Variants in ABL1 observed in about 807,000 individuals in gnomAD.
ABL1 encodes the protein ABL proto-oncogene 1, non-receptor tyrosine kinase, also known as tyrosine-protein kinase ABL1.
In ABL1, 11 loss-of-function variants were observed where a neutral mutation model predicts 94.7. The ratio of observed to expected loss-of-function variants is 0.12; its 90% CI spans 0.07 to 0.19. ABL1 has a LOEUF of 0.19. Among genes scored for constraint, ABL1 ranks in the 10% least tolerant of loss-of-function variants. The pLI, the probability that ABL1 is intolerant of heterozygous loss-of-function variation, is 1.00. For missense variants in ABL1, 1,082 were observed against 1,489.4 expected (o/e 0.73, Z 4.50); for synonymous variants, 656 against 622.4 (o/e 1.05, Z -0.80).
intron 1 of ABL1, among the ~76,000 whole-genome samples, chr9:130,807,695 G>GTT (rs1201794127): frequency 1.2e-3 from 85 of 73,672 alleles, no homozygotes; most frequent in African/African-American, 1.6e-3. Context: ...TATATATATA[G>GTT]TTTTTTTTTT....
intron 1 of ABL1, among the ~76,000 whole-genome samples, chr9:130,723,840 C>T (rs536042945): frequency 6.6e-6 from 1 of 151,294 alleles, no homozygotes; most frequent in Non-Finnish European, 1.5e-5. Flanking sequence ...GAGATGGAGT[C>T]TCGCTCTGTC....
rs944040692 is a variant in ABL1, at chr9:130,872,269, A to G, written c.907+56A>G. ...TCTCGCGCCGCACCCCCAGGGTGAC[A>G]CAGGCGCTGGGGAAGACGCACGGGC... On this transcript the variant is annotated intron_variant, in intron 5 of 10. Transcript: ENST00000318560. The surrounding 1 kb of genome is among the most constrained non-coding windows in gnomAD (Gnocchi z 5.0). 2.6e-6 allele frequency: 4 copies of G among 1,525,938 alleles called. No homozygotes were observed. The East Asian group carries it at 9.1e-5, about 35-fold the overall frequency. The allele number at this position is 1,525,938 out of a possible 1,614,324, so 94.5% of individuals were successfully genotyped here.
intron 1 of ABL1, among the ~76,000 whole-genome samples, chr9:130,823,807 G>T (rs1256515715): frequency 1.3e-5 from 2 of 152,156 alleles, no homozygotes; most frequent in African/African-American, 4.8e-5. Flanking sequence ...GCAACTGAGG[G>T]GTTAAGGCCT....
At chr9:130,730,811 A>G (rs1229990348) in intron 1 of ABL1, among the ~76,000 whole-genome samples, 1 of 151,718 alleles carries the variant, frequency 6.6e-6, no homozygotes, top group African/African-American at 2.4e-5. Flanking sequence ...AGGTCAAACC[A>G]TCCACCCACC....
At chr9:130,879,621 A>G (rs777527572) in intron 8 of ABL1, among the ~76,000 whole-genome samples, 1 of 152,236 alleles carries the variant, frequency 6.6e-6, no homozygotes, top group Non-Finnish European at 1.5e-5. Context: ...AGTCAGACGC[A>G]TATGGGAGTG....
At chr9:130,765,288 A>T (rs1204711344) in intron 1 of ABL1, among the ~76,000 whole-genome samples, 2 of 152,122 alleles carry the variant, frequency 1.3e-5, no homozygotes, top group Non-Finnish European at 2.9e-5. Flanking sequence ...TGGTTTGGTT[A>T]TGACAGTGCT....
chr9:130,736,163 C>T (rs1201417991), intron 1 of ABL1, among the ~76,000 whole-genome samples: 1 of 151,446 alleles, frequency 6.6e-6, no homozygotes, highest in Admixed American at 6.6e-5. Context: ...GCCATGTTGC[C>T]CAGGCTGGTC....
intron 1 of ABL1, among the ~76,000 whole-genome samples, chr9:130,745,526 T>C (rs1378529400): frequency 6.6e-6 from 1 of 151,662 alleles, no homozygotes; most frequent in Non-Finnish European, 1.5e-5. Flanking sequence ...CCTCCTGGTC[T>C]CTCTCTCCCT....
In ABL1 at chr9:130,769,639, C is replaced by A. The variant is rs561438275; in HGVS notation, c.136+55184C>A. ...CAGGTGTGAGCCACCGTCCCCGGCCCCTAGTCTTTTATTGTATTGTATTGT... is the reference window on the plus strand; with the variant it reads ...CAGGTGTGAGCCACCGTCCCCGGCCACTAGTCTTTTATTGTATTGTATTGT... On this transcript the variant is annotated intron_variant, in intron 1 of 10. Coordinates refer to the ABL1 transcript ENST00000372348. Among the ~76,000 whole-genome samples the A allele has an allele frequency of 2.0e-5, 3 of 152,048 alleles. No individual in the cohort carries two copies. The South Asian group carries it at 6.2e-4, about 32-fold the overall frequency.
chr9:130,778,776 G>A (rs1025949449), intron 1 of ABL1, among the ~76,000 whole-genome samples: 2 of 151,860 alleles, frequency 1.3e-5, no homozygotes, highest in African/African-American at 4.8e-5. Flanking sequence ...GTCACAGGCA[G>A]GAGGGGGATG....
At chr9:130,809,413 AGAGAGTGTGT>A (rs1220176181) in intron 1 of ABL1, among the ~76,000 whole-genome samples, 23 of 112,704 alleles carry the variant, frequency 2.0e-4, no homozygotes, top group East Asian at 1.0e-3. Flanking sequence ...AGAGAGAGAG[AGAGAGTGTGT>A]GTGTGTGTGT....
At chr9:130,851,635 A>G (rs751713592) in intron 1 of ABL1, among the ~76,000 whole-genome samples, 23 of 152,148 alleles carry the variant, frequency 1.5e-4, no homozygotes, top group Non-Finnish European at 2.2e-4. Flanking sequence ...ATTATTACCC[A>G]GGAAAGAATG....
At chr9:130,770,269 G>A (rs945220394) in intron 1 of ABL1, among the ~76,000 whole-genome samples, 1 of 152,062 alleles carries the variant, frequency 6.6e-6, no homozygotes, top group African/African-American at 2.4e-5. Flanking sequence ...TGCTTTGAGA[G>A]GCCAAGGCGG....
In ABL1 at chr9:130,884,319, G is replaced by T; in HGVS notation, c.2029G>T (p.Gly677Trp). 1 of 1,610,610 alleles carries T rather than the reference G, an allele frequency of 6.2e-7. No homozygotes were observed. The highest frequency in any genetic ancestry group is 2.2e-5 in the East Asian group (1 of 44,832). ...GVPNGALRES[G>W]GSGFRSPHLW... ...CCCCAATGGAGCCCTCCGGGAGTCC[G>T]GGGGCTCAGGCTTCCGGTCTCCCCA... is the stretch of plus-strand genomic sequence containing the variant. Residue 677 changes from glycine (G) to tryptophan (W), a missense_variant, in exon 11 of 11, where the codon GGG (glycine) becomes TGG (tryptophan). Gly to Trp is a radical substitution (Grantham distance 184). Transcript: ENST00000318560. This position sits in a 1 kb window ranked among gnomAD's most constrained non-coding sequence, Gnocchi z 5.6.
chr9:130,814,113 C>T lies in ABL1; in HGVS notation c.137-39951C>T, dbSNP rs774596317. Among the ~76,000 whole-genome samples the T allele has an allele frequency of 5.9e-5, 9 of 152,006 alleles. No individual in the cohort carries two copies. Among genetic ancestry groups the T allele is most frequent in the African/African-American group, 1.7e-4 (7 of 41,388 alleles). ...CATCCCGGCCAACATGGTGAAACCC[C>T]GTCTCTACTAACCATACAAAAATTA... is the stretch of plus-strand genomic sequence containing the variant. On this transcript the variant is annotated intron_variant, in intron 1 of 10. Transcript: ENST00000372348. The surrounding 1 kb of genome is among the most constrained non-coding windows in gnomAD (Gnocchi z 4.4).
chr9:130,844,808 A>G (rs1830737587), intron 1 of ABL1, among the ~76,000 whole-genome samples: 1 of 152,232 alleles, frequency 6.6e-6, no homozygotes, highest in African/African-American at 2.4e-5. Context: ...TTTCCCCACC[A>G]AACAAAAAAA....
intron 1 of ABL1, among the ~76,000 whole-genome samples, chr9:130,853,572 G>T (rs770575553): frequency 3.3e-5 from 5 of 152,126 alleles, no homozygotes; most frequent in African/African-American, 4.8e-5. Context: ...GCGTCACCAT[G>T]CCCGGCTAAT....
exon 1 of ABL1, chr9:130,714,158 CT>C: frequency 1.6e-6 from 1 of 632,574 alleles, no homozygotes; most frequent in Non-Finnish European, 2.3e-6. Flanking sequence ...AAAGTGCTTC[CT>C]TTTGTTATGG....
intron 1 of ABL1, among the ~76,000 whole-genome samples, chr9:130,747,431 G>A (rs1419294356): frequency 6.6e-6 from 1 of 151,862 alleles, no homozygotes; most frequent in Non-Finnish European, 1.5e-5. Context: ...TTGTTTGCGT[G>A]GGGACAGAGT....
Sources: allele counts gnomAD v4.1 joint callset (sites outside exome capture counted in the v4.1 genomes callset), GRCh38; gene constraint gnomAD v4.1.1; non-coding constraint Gnocchi (gnomAD v3.1); transcripts MANE v1.5; gene names NCBI Gene and HGNC (gene_info 2026-07-23, HGNC 2026-07-21).